The following ZNF385B variants were observed in gnomAD, a reference collection of about 807,000 sequenced individuals.
ZNF385B encodes zinc finger protein 533.
ZNF385B carries 23 observed loss-of-function variants against 39.2 expected under a neutral mutation model. The observed-to-expected ratio is 0.59, with a 90% CI of 0.42 to 0.83. The LOEUF (loss-of-function observed/expected upper bound fraction) is 0.83. ZNF385B is among the 40% of genes least tolerant of loss of function. The probability of loss-of-function intolerance (pLI) is 0.00; values close to 1 mark genes in which losing one functional copy is unlikely to be tolerated. For missense variants in ZNF385B, 552 were observed against 598.9 expected, an observed-to-expected ratio of 0.92 and a Z score of 0.82; for synonymous variants, 205 against 222.6, an observed-to-expected ratio of 0.92 and a Z score of 0.70.
intron 3 of ZNF385B, among the ~76,000 whole-genome samples, chr2:179,733,708 G>T (rs781272904): frequency 6.6e-6 from 1 of 151,562 alleles, no homozygotes; most frequent in Non-Finnish European, 1.5e-5. Flanking sequence ...GCATGAACCC[G>T]GGAGGCGGAG....
chr2:179,494,376 G>T (rs1052535165), intron 5 of ZNF385B, among the ~76,000 whole-genome samples: 4 of 152,028 alleles, frequency 2.6e-5, no homozygotes, highest in African/African-American at 7.2e-5. Context: ...GTGTACAGTG[G>T]AGAGGCTCGG....
intron 3 of ZNF385B, among the ~76,000 whole-genome samples, chr2:179,623,154 C>T (rs992599713): frequency 6.6e-6 from 1 of 152,136 alleles, no homozygotes; most frequent in South Asian, 2.1e-4. Flanking sequence ...TAAACTAGAA[C>T]AGAAAATCAA....
chr2:179,671,562 G>T (rs1266666012), intron 3 of ZNF385B, among the ~76,000 whole-genome samples: 1 of 152,152 alleles, frequency 6.6e-6, no homozygotes, highest in East Asian at 1.9e-4. Context: ...TAAAACAAAT[G>T]ACTCCAAAAG....
intron 3 of ZNF385B, among the ~76,000 whole-genome samples, chr2:179,667,527 T>C (rs1180141101): frequency 6.6e-6 from 1 of 152,140 alleles, no homozygotes; most frequent in Admixed American, 6.6e-5. Context: ...ATTCCAGCCA[T>C]AGCTGACTGG....
chr2:179,765,439 G>A (rs931206691), intron 3 of ZNF385B, among the ~76,000 whole-genome samples: 3 of 152,160 alleles, frequency 2.0e-5, no homozygotes, highest in African/African-American at 7.2e-5. Flanking sequence ...TGGTTCCAGG[G>A]CTCAGGTAGC....
chr2:179,602,500 CT>C (rs372064793), intron 3 of ZNF385B, among the ~76,000 whole-genome samples: 77 of 149,062 alleles, frequency 5.2e-4, no homozygotes, highest in African/African-American at 1.2e-3. Context: ...CACCCAGCTT[CT>C]TTTTTTTTTA....
chr2:179,623,613 A>G (rs1221202054), intron 3 of ZNF385B, among the ~76,000 whole-genome samples: 1 of 152,130 alleles, frequency 6.6e-6, no homozygotes, highest in Non-Finnish European at 1.5e-5. Flanking sequence ...AATGTAGTCC[A>G]GTGGTGGGGT....
intron 3 of ZNF385B, among the ~76,000 whole-genome samples, chr2:179,569,366 A>T (rs1477299585): frequency 6.6e-6 from 1 of 152,244 alleles, no homozygotes; most frequent in Middle Eastern, 3.2e-3. Context: ...AACATTAAGT[A>T]GTATCTTCCT....
At chr2:179,697,666 T>G (rs978459269) in intron 3 of ZNF385B, among the ~76,000 whole-genome samples, 1 of 152,236 alleles carries the variant, frequency 6.6e-6, no homozygotes, top group Non-Finnish European at 1.5e-5. Context: ...ATCTGATCCC[T>G]ACTTGTTTTA....
intron 3 of ZNF385B, among the ~76,000 whole-genome samples, chr2:179,663,143 G>T (rs1445719392): frequency 6.6e-6 from 1 of 152,176 alleles, no homozygotes; most frequent in African/African-American, 2.4e-5. Context: ...AACTAAATAT[G>T]ATGGTACTTG....
In ZNF385B at chr2:179,698,866, A is replaced by G. The variant is rs1343629297; in HGVS notation, c.298+70637T>C. 3.3e-5 allele frequency among the ~76,000 whole-genome samples: 5 copies of G among 152,326 alleles called. No individual in the cohort carries two copies. The East Asian group carries it at 7.7e-4, about 23-fold the overall frequency. On this transcript the variant is annotated intron_variant, in intron 3 of 9. Transcript: ENST00000410066. Reference sequence around the variant, plus strand: ...TACATTAAACTACAAGTTCATGAAGATAAGAATAAAATCAAAAGATCATCT... The same window carrying G: ...TACATTAAACTACAAGTTCATGAAGGTAAGAATAAAATCAAAAGATCATCT...
At chr2:179,775,384 T>C (rs915782051) in intron 1 of ZNF385B, among the ~76,000 whole-genome samples, 1 of 152,210 alleles carries the variant, frequency 6.6e-6, no homozygotes, top group East Asian at 1.9e-4. Flanking sequence ...ACTCATTGTT[T>C]AGGAAAGTGA....
At chr2:179,776,026 C>A (rs1477497786) in intron 1 of ZNF385B, among the ~76,000 whole-genome samples, 4 of 152,190 alleles carry the variant, frequency 2.6e-5, no homozygotes, top group African/African-American at 9.7e-5. Flanking sequence ...AAGAACATGA[C>A]CACATCTTAC....
intron 3 of ZNF385B, among the ~76,000 whole-genome samples, chr2:179,680,325 AAT>A: frequency 6.6e-6 from 1 of 152,340 alleles, no homozygotes; most frequent in Middle Eastern, 3.4e-3. Context: ...ACTGTTTAGT[AAT>A]AAAGATGACT....
chr2:179,803,287 T>C (rs1706144540), intron 1 of ZNF385B, among the ~76,000 whole-genome samples: 1 of 152,140 alleles, frequency 6.6e-6, no homozygotes, highest in South Asian at 2.1e-4. Flanking sequence ...TTAGTAAATA[T>C]GAACATTTCC....
At chr2:179,724,597 T>A (rs1256052533) in intron 3 of ZNF385B, among the ~76,000 whole-genome samples, 2 of 152,224 alleles carry the variant, frequency 1.3e-5, no homozygotes, top group African/African-American at 2.4e-5. Flanking sequence ...GCCATTCATA[T>A]AGGCTGACTC....
chr2:179,541,887 C>A, intron 4 of ZNF385B, among the ~76,000 whole-genome samples: 1 of 152,162 alleles, frequency 6.6e-6, no homozygotes, highest in Middle Eastern at 3.4e-3. Flanking sequence ...GACTCAAGGA[C>A]GTAAAGAGCC....
chr2:179,784,448 A>C (rs538366232), intron 1 of ZNF385B, among the ~76,000 whole-genome samples: 1 of 151,964 alleles, frequency 6.6e-6, no homozygotes, highest in Non-Finnish European at 1.5e-5. Context: ...ATACTTTCAC[A>C]TGTACCCTCG....
intron 6 of ZNF385B, among the ~76,000 whole-genome samples, chr2:179,458,799 T>C (rs1169938457): frequency 6.6e-6 from 1 of 152,152 alleles, no homozygotes; most frequent in Non-Finnish European, 1.5e-5. Context: ...TACTTCCTCA[T>C]TACTGGCCTC....
Sources: allele counts gnomAD v4.1 joint callset (sites outside exome capture counted in the v4.1 genomes callset), GRCh38; gene constraint gnomAD v4.1.1; transcripts MANE v1.5; gene names NCBI Gene and HGNC (gene_info 2026-07-23, HGNC 2026-07-21).